The following CDK5RAP2 variants were observed in gnomAD, a reference collection of about 807,000 sequenced individuals.
The protein encoded by CDK5RAP2 is CDK5 regulatory subunit associated protein 2.
In CDK5RAP2, 147 loss-of-function variants were observed where a neutral mutation model predicts 232.9. That is an observed-to-expected ratio of 0.63 (90% CI 0.55 to 0.72). CDK5RAP2 has a LOEUF of 0.72. Among genes scored for constraint, CDK5RAP2 ranks in the 30% least tolerant of loss-of-function variants. The pLI is 0.00. For synonymous variants in CDK5RAP2, 833 were observed against 833.7 expected (o/e 1.00, Z 0.01); for missense variants, 2,195 against 2,231.5 (o/e 0.98, Z 0.33).
At position 120,541,903 on chromosome 9, in the gene CDK5RAP2, A is replaced by G. The variant is rs116413248; in HGVS notation, c.384-2739T>C. On this transcript the variant is annotated intron_variant, in intron 5 of 37. Coordinates refer to ENST00000349780, the MANE Select transcript of CDK5RAP2 (RefSeq NM_018249.6). ...GGTGGGCAGCAAGACCTGAGGAGAG[A>G]AAAGGCTGAGAGAAACTGGTTTCAT... Among the ~76,000 whole-genome samples the G allele has an allele frequency of 8.6e-3, 1,311 of 152,360 alleles. 18 individuals carry two copies. The highest frequency in any genetic ancestry group is 0.029 in the African/African-American group (1,223 of 41,590).
rs867773415 is a variant in CDK5RAP2, at chr9:120,471,644, G to A, written c.1858+104C>T. 6.2e-5 allele frequency: 94 copies of A among 1,517,334 alleles called. 1 individual carries two copies. In the South Asian group the frequency reaches 7.7e-4, roughly 12 times the overall value. 94.0% of individuals were successfully genotyped at this position (1,517,334 alleles called of 1,614,324 possible). A position where few individuals can be genotyped will look rare whatever the true frequency, so the allele number is the denominator to read the frequency against. ...AAAAAGGATCTCCAAACGAAACCCCGTGTATGCTTCATCCCTTAACAAATA... is the reference window on the plus strand; with the variant it reads ...AAAAAGGATCTCCAAACGAAACCCCATGTATGCTTCATCCCTTAACAAATA... On this transcript the variant is annotated intron_variant, in intron 16 of 37. Transcript: ENST00000349780.
At chr9:120,501,778 C>T (rs2039586093) in intron 12 of CDK5RAP2, among the ~76,000 whole-genome samples, 2 of 152,208 alleles carry the variant, frequency 1.3e-5, no homozygotes, top group African/African-American at 4.8e-5. Flanking sequence ...ACCTGGGCCA[C>T]ATGGAGCAGA....
chr9:120,432,795 G>A (rs892737276), intron 25 of CDK5RAP2, among the ~76,000 whole-genome samples: 4 of 152,284 alleles, frequency 2.6e-5, no homozygotes, highest in African/African-American at 7.2e-5. Flanking sequence ...AGGGCAGCTG[G>A]TGCCAGAGGC....
chr9:120,502,074 G>A (rs557630868), intron 12 of CDK5RAP2, among the ~76,000 whole-genome samples: 25 of 152,164 alleles, frequency 1.6e-4, no homozygotes, highest in Middle Eastern at 3.4e-3. Context: ...TTCTCAGTTC[G>A]CCTCCACACC....
At chr9:120,393,177 T>C (rs889522039) in intron 36 of CDK5RAP2, among the ~76,000 whole-genome samples, 3 of 152,140 alleles carry the variant, frequency 2.0e-5, no homozygotes, top group African/African-American at 7.2e-5. Context: ...CAGTCAGTCT[T>C]GAACCACCTC....
At chr9:120,417,977 A>G (rs2034336033) in intron 27 of CDK5RAP2, among the ~76,000 whole-genome samples, 2 of 152,264 alleles carry the variant, frequency 1.3e-5, no homozygotes, top group South Asian at 4.1e-4. Context: ...ACTGCAATTC[A>G]GCCACTCAAT....
chr9:120,493,233 G>A (rs2038993068), intron 12 of CDK5RAP2, among the ~76,000 whole-genome samples: 1 of 152,210 alleles, frequency 6.6e-6, no homozygotes, highest in Non-Finnish European at 1.5e-5. Flanking sequence ...TTAGTCCAGT[G>A]GGACCCATTT....
chr9:120,458,442 A>G lies in CDK5RAP2; in HGVS notation c.2375+8T>C. ...AGAAACAAAGGAATGCCTGGGCCCC[A>G]TGTATACCTGGATTCCAGTAATAAT... is the stretch of plus-strand genomic sequence containing the variant. On this transcript the variant is annotated splice_region_variant and intron_variant, in intron 20 of 37. Coordinates refer to ENST00000349780, the MANE Select transcript of CDK5RAP2 (RefSeq NM_018249.6). The G allele has an allele frequency of 6.2e-7, 1 of 1,613,954 alleles. No homozygotes were observed. Among genetic ancestry groups the G allele is most frequent in the Non-Finnish European group, 8.5e-7 (1 of 1,179,820 alleles).
intron 5 of CDK5RAP2, among the ~76,000 whole-genome samples, chr9:120,540,463 G>C (rs374819080): frequency 1.3e-5 from 2 of 152,204 alleles, no homozygotes; most frequent in East Asian, 3.8e-4. Context: ...GGAAAGTCAA[G>C]AGGGCCATAC....
chr9:120,520,119 A>C (rs1220165742), intron 11 of CDK5RAP2, among the ~76,000 whole-genome samples: 1 of 152,146 alleles, frequency 6.6e-6, no homozygotes, highest in Non-Finnish European at 1.5e-5. Context: ...TTAAATTATT[A>C]TTTTTTCCTT....
intron 12 of CDK5RAP2, among the ~76,000 whole-genome samples, chr9:120,507,929 AAAAAAAAAAAAAAAT>A (rs1331872131): frequency 2.8e-5 from 2 of 71,758 alleles, no homozygotes; most frequent in African/African-American, 4.5e-5. Flanking sequence ...AAAAAAAAAA[AAAAAAAAAAAAAAAT>A]ATATATATAT....
intron 14 of CDK5RAP2, among the ~76,000 whole-genome samples, chr9:120,478,846 GT>G (rs1407304685): frequency 1.3e-5 from 2 of 152,030 alleles, no homozygotes; most frequent in African/African-American, 2.4e-5. Context: ...TAGATTTTAG[GT>G]TTTTTCATCA....
At chr9:120,483,736 T>C (rs1287307689) in intron 14 of CDK5RAP2, among the ~76,000 whole-genome samples, 1 of 152,220 alleles carries the variant, frequency 6.6e-6, no homozygotes, top group Admixed American at 6.5e-5. Context: ...TAGTGAGTAG[T>C]AGGACTGGCA....
intron 35 of CDK5RAP2, among the ~76,000 whole-genome samples, chr9:120,395,493 A>G (rs1204888857): frequency 6.6e-6 from 1 of 152,250 alleles, no homozygotes; most frequent in Non-Finnish European, 1.5e-5. Flanking sequence ...CTGAGGTGAC[A>G]TACATGCACG....
At chr9:120,418,218 C>T (rs2034352629) in intron 27 of CDK5RAP2, among the ~76,000 whole-genome samples, 2 of 152,130 alleles carry the variant, frequency 1.3e-5, no homozygotes, top group South Asian at 4.1e-4. Context: ...TCAGGTAACC[C>T]ACTAAGAGGG....
intron 35 of CDK5RAP2, among the ~76,000 whole-genome samples, chr9:120,398,132 C>T (rs1306551002): frequency 1.3e-5 from 2 of 152,206 alleles, no homozygotes; most frequent in Non-Finnish European, 2.9e-5. Context: ...AGGGCACTCA[C>T]TGGTGCTAGA....
intron 14 of CDK5RAP2, among the ~76,000 whole-genome samples, chr9:120,485,141 A>C (rs1342713524): frequency 3.3e-5 from 5 of 152,196 alleles, no homozygotes; most frequent in African/African-American, 9.7e-5. Flanking sequence ...AATATTACCA[A>C]AATGCCCAGC....
intron 6 of CDK5RAP2, among the ~76,000 whole-genome samples, chr9:120,537,297 A>T (rs1027058069): frequency 6.6e-6 from 1 of 152,188 alleles, no homozygotes; most frequent in African/African-American, 2.4e-5. Flanking sequence ...GTCCCATCAA[A>T]GAGCTACCAT....
intron 25 of CDK5RAP2, among the ~76,000 whole-genome samples, chr9:120,432,775 T>A (rs1046365550): frequency 6.6e-6 from 1 of 152,200 alleles, no homozygotes. Context: ...AGTGGCTAGA[T>A]GAAGGAAGGA....
Sources: allele counts gnomAD v4.1 joint callset (sites outside exome capture counted in the v4.1 genomes callset), GRCh38; gene constraint gnomAD v4.1.1; transcripts MANE v1.5; gene names NCBI Gene and HGNC (gene_info 2026-07-23, HGNC 2026-07-21).